Variants in GNA14 observed in about 807,000 individuals in gnomAD.
GNA14 encodes the protein guanine nucleotide-binding protein subunit alpha-14.
In GNA14, 50 loss-of-function variants were observed where a neutral mutation model predicts 42.0. The ratio of observed to expected loss-of-function variants is 1.19; its 90% CI spans 0.95 to 1.51. The LOEUF (loss-of-function observed/expected upper bound fraction) is 1.51, where lower values mean the gene tolerates loss of function less well. Ranked by LOEUF, GNA14 falls within the 40% of genes most tolerant of loss-of-function variation. GNA14 has a pLI of 0.00. For missense variants in GNA14, 473 were observed against 446.2 expected (o/e 1.06, Z -0.54); for synonymous variants, 173 against 163.1 (o/e 1.06, Z -0.46).
At chr9:77,599,811 A>C (rs1012147208) in intron 1 of GNA14, among the ~76,000 whole-genome samples, 4 of 152,172 alleles carry the variant, frequency 2.6e-5, no homozygotes, top group African/African-American at 4.8e-5. Flanking sequence ...TTGAGGTTTA[A>C]GATTATAGGT....
At chr9:77,647,617 G>A (rs1824379291) in intron 1 of GNA14, 53 bp downstream of exon 1, 6 of 1,577,232 alleles carry the variant, frequency 3.8e-6, no homozygotes, top group South Asian at 3.5e-5. Flanking sequence ...GAGGCCGGGA[G>A]GGCTCGGAAG....
At position 77,476,002 on chromosome 9, in the gene GNA14, G is replaced by C. The variant is rs1036580188; in HGVS notation, c.310-41480C>G. On this transcript the variant is annotated intron_variant, in intron 2 of 6. Coordinates refer to ENST00000341700, the MANE Select transcript of GNA14 (RefSeq NM_004297.4). ...AGTGTGCCCTTGAGCTTAGACTTCTGATGACTAAATTGGCTTGGCAGAAAT... is the reference window on the plus strand; with the variant it reads ...AGTGTGCCCTTGAGCTTAGACTTCTCATGACTAAATTGGCTTGGCAGAAAT... Among the ~76,000 whole-genome samples the C allele has an allele frequency of 2.6e-5, 4 of 152,132 alleles. No individual in the cohort carries two copies. The South Asian group carries it at 8.3e-4, about 31-fold the overall frequency.
intron 5 of GNA14, among the ~76,000 whole-genome samples, chr9:77,428,071 C>CTTTTCTTTTTTT (rs1835479852): frequency 7.7e-6 from 1 of 130,676 alleles, no homozygotes; most frequent in African/African-American, 2.9e-5. Flanking sequence ...GGCATTTTTT[C>CTTTTCTTTTTTT]TTTTTTTTTT....
intron 1 of GNA14, among the ~76,000 whole-genome samples, chr9:77,561,157 T>C (rs527944823): frequency 8.7e-4 from 132 of 152,188 alleles, no homozygotes; most frequent in Non-Finnish European, 1.7e-3. Context: ...AGGTACCTAT[T>C]AAAATGCATT....
intron 2 of GNA14, among the ~76,000 whole-genome samples, chr9:77,459,494 T>A (rs1288327487): frequency 6.6e-6 from 1 of 151,908 alleles, no homozygotes; most frequent in Non-Finnish European, 1.5e-5. Context: ...AGACCCAGGA[T>A]GTCTCTTTGC....
chr9:77,575,740 T>G (rs1823118578), intron 1 of GNA14, among the ~76,000 whole-genome samples: 1 of 152,238 alleles, frequency 6.6e-6, no homozygotes, highest in African/African-American at 2.4e-5. Context: ...CTATTGGTTT[T>G]AAGTCTGAAA....
intron 1 of GNA14, among the ~76,000 whole-genome samples, chr9:77,549,472 C>T (rs72730898): frequency 9.8e-4 from 149 of 152,290 alleles, no homozygotes; most frequent in Middle Eastern, 3.4e-3. Flanking sequence ...CCAAAATTCC[C>T]GCACTTGTCA....
At chr9:77,448,361 G>A (rs1212764657) in intron 2 of GNA14, among the ~76,000 whole-genome samples, 2 of 152,070 alleles carry the variant, frequency 1.3e-5, no homozygotes, top group East Asian at 1.9e-4. Flanking sequence ...AATCATTCTG[G>A]TTTTCATTTT....
chr9:77,585,514 C>G (rs544339988), intron 1 of GNA14, among the ~76,000 whole-genome samples: 1 of 152,186 alleles, frequency 6.6e-6, no homozygotes, highest in Non-Finnish European at 1.5e-5. Context: ...TCCTGGGTAG[C>G]TCCCCATAAC....
At chr9:77,462,440 G>A (rs1032137614) in intron 2 of GNA14, among the ~76,000 whole-genome samples, 1 of 152,172 alleles carries the variant, frequency 6.6e-6, no homozygotes, top group Non-Finnish European at 1.5e-5. Flanking sequence ...CTTAGCTCAG[G>A]CTGGGCGCAG....
rs1376103837 is a variant in GNA14, at chr9:77,493,030, T to A, written c.309+36039A>T. The stretch of plus-strand genomic sequence containing the variant: ...AAAAAAAAAAAAAAAAAAAAAAATA[T>A]ATATATATATATATATTTGGGAGAT... On this transcript the variant is annotated intron_variant, in intron 2 of 6. Transcript: ENST00000341700. Among the ~76,000 whole-genome samples the A allele has an allele frequency of 9.4e-4, 107 of 114,170 alleles. 1 individual carries two copies. The highest frequency in any genetic ancestry group is 2.2e-3 in the African/African-American group (58 of 26,600). The allele number at this position is 114,170 out of a possible 152,430, so 74.9% of individuals were successfully genotyped here. A position where few individuals can be genotyped will look rare whatever the true frequency, so the allele number is the denominator to read the frequency against.
chr9:77,582,339 A>G (rs762903450), intron 1 of GNA14, among the ~76,000 whole-genome samples: 1 of 151,886 alleles, frequency 6.6e-6, no homozygotes, highest in Non-Finnish European at 1.5e-5. Context: ...CTAGCCTTCC[A>G]CCTTCATCCC....
intron 1 of GNA14, among the ~76,000 whole-genome samples, chr9:77,603,205 C>T (rs1823595221): frequency 6.6e-6 from 1 of 152,156 alleles, no homozygotes; most frequent in African/African-American, 2.4e-5. Flanking sequence ...TCCTACTGTT[C>T]CAAAACCAAT....
chr9:77,449,589 C>G (rs1835872712), intron 2 of GNA14, among the ~76,000 whole-genome samples: 1 of 152,172 alleles, frequency 6.6e-6, no homozygotes, highest in Admixed American at 6.5e-5. Context: ...GAAGGACAGT[C>G]CCTACATTCT....
intron 1 of GNA14, among the ~76,000 whole-genome samples, chr9:77,601,217 C>G (rs1392127675): frequency 6.6e-6 from 1 of 152,008 alleles, no homozygotes; most frequent in Non-Finnish European, 1.5e-5. Context: ...TCCTTTTGCC[C>G]AATAAATTCC....
intron 1 of GNA14, among the ~76,000 whole-genome samples, chr9:77,599,215 G>C (rs773319966): frequency 6.6e-6 from 1 of 152,166 alleles, no homozygotes; most frequent in Non-Finnish European, 1.5e-5. Context: ...TACTCTAGAC[G>C]ATGATGACAA....
intron 1 of GNA14, among the ~76,000 whole-genome samples, chr9:77,605,950 G>A (rs982614026): frequency 6.6e-6 from 1 of 152,180 alleles, no homozygotes; most frequent in African/African-American, 2.4e-5. Flanking sequence ...CATTGGCAGA[G>A]GGTAATTCCT....
intron 2 of GNA14, among the ~76,000 whole-genome samples, chr9:77,440,153 A>G (rs1278858155): frequency 6.6e-6 from 1 of 152,252 alleles, no homozygotes; most frequent in Non-Finnish European, 1.5e-5. Context: ...TTCCTTTCTC[A>G]AACAAAATCA....
At chr9:77,547,735 C>T (rs1481589983) in intron 1 of GNA14, among the ~76,000 whole-genome samples, 2 of 152,086 alleles carry the variant, frequency 1.3e-5, no homozygotes, top group Non-Finnish European at 2.9e-5. Flanking sequence ...TTACTTAAAC[C>T]CTTTGACCCT....
Sources: allele counts gnomAD v4.1 joint callset (sites outside exome capture counted in the v4.1 genomes callset), GRCh38; gene constraint gnomAD v4.1.1; transcripts MANE v1.5; gene names NCBI Gene and HGNC (gene_info 2026-07-23, HGNC 2026-07-21).